The following SEC63 variants were observed in gnomAD, a reference collection of about 807,000 sequenced individuals.
The protein encoded by SEC63 is SEC63 protein translocation regulator.
Under a neutral mutation model 116.2 loss-of-function variants are expected in SEC63, and 56 were observed. That is an observed-to-expected ratio of 0.48 (90% confidence interval 0.39 to 0.60). The LOEUF (loss-of-function observed/expected upper bound fraction) is 0.60. Among genes scored for constraint, SEC63 ranks in the 20% least tolerant of loss-of-function variants. SEC63 has a pLI of 0.00. For synonymous variants in SEC63, 273 were observed against 294.6 expected, an observed-to-expected ratio of 0.93 and a Z score of 0.75; for missense variants, 668 against 900.0, an observed-to-expected ratio of 0.74 and a Z score of 3.30.
At chr6:107,922,899 G>A (rs930783964) in intron 3 of SEC63, among the ~76,000 whole-genome samples, 6 of 151,914 alleles carry the variant, frequency 3.9e-5, no homozygotes, top group Non-Finnish European at 8.8e-5. Flanking sequence ...AGTGCCATGG[G>A]GGAGAAAATA....
At chr6:107,934,280 G>A (rs548316516) in intron 1 of SEC63, among the ~76,000 whole-genome samples, 14 of 151,018 alleles carry the variant, frequency 9.3e-5, no homozygotes, top group Admixed American at 2.0e-4. Context: ...AGTGAGGAGC[G>A]TCTCTGCCCG....
chr6:107,893,921 T>C (rs769539201), intron 14 of SEC63, 24 bp from the exon 15 acceptor site: 5 of 1,611,568 alleles, frequency 3.1e-6, no homozygotes, highest in Non-Finnish European at 4.2e-6. Flanking sequence ...AGAAGAGAAA[T>C]ACAAAATCTG....
chr6:107,890,699 GCTGGTA>G (rs1562317729), intron 16 of SEC63, among the ~76,000 whole-genome samples: 1 of 152,144 alleles, frequency 6.6e-6, no homozygotes, highest in Non-Finnish European at 1.5e-5. Flanking sequence ...TTTTGCAGTG[GCTGGTA>G]CTGGTTGTTC....
chr6:107,936,506 G>A (rs1400108977), intron 1 of SEC63, among the ~76,000 whole-genome samples: 4 of 150,834 alleles, frequency 2.7e-5, no homozygotes, highest in African/African-American at 9.8e-5. Context: ...TATTTTCATG[G>A]GCACTAAAAA....
chr6:107,889,042 TGA>T (rs2114418552), intron 16 of SEC63, among the ~76,000 whole-genome samples: 1 of 152,348 alleles, frequency 6.6e-6, no homozygotes, highest in Non-Finnish European at 1.5e-5. Flanking sequence ...GATATTCGCC[TGA>T]AATTTTCTTT....
At chr6:107,940,564 G>A (rs1047252944) in intron 1 of SEC63, among the ~76,000 whole-genome samples, 1 of 151,930 alleles carries the variant, frequency 6.6e-6, no homozygotes, top group African/African-American at 2.4e-5. Context: ...AAAATCTTCA[G>A]AAATTCACAA....
At chr6:107,889,448 CT>C (rs1395002228) in intron 16 of SEC63, among the ~76,000 whole-genome samples, 1 of 152,024 alleles carries the variant, frequency 6.6e-6, no homozygotes, top group South Asian at 2.1e-4. Flanking sequence ...TCCCCTTTAT[CT>C]TTTTTTATTG....
intron 4 of SEC63, among the ~76,000 whole-genome samples, chr6:107,921,515 G>T (rs1461987455): frequency 6.6e-6 from 1 of 151,174 alleles, no homozygotes; most frequent in Non-Finnish European, 1.5e-5. Context: ...GCAGTGGCAT[G>T]GTCACGGCTC....
At chr6:107,883,267 C>A (rs1786454143) in intron 16 of SEC63, 121 bp from the exon 17 acceptor site, 3 of 1,225,302 alleles carry the variant, frequency 2.4e-6, no homozygotes, top group Admixed American at 2.3e-5. Context: ...TTTCACTATT[C>A]ATATACAATT....
At chr6:107,898,161 G>A (rs1410963100) in intron 13 of SEC63, among the ~76,000 whole-genome samples, 2 of 151,900 alleles carry the variant, frequency 1.3e-5, no homozygotes, top group African/African-American at 4.8e-5. Context: ...CTAGTCGGGA[G>A]GCTGAGGTGG....
intron 14 of SEC63, 85 bp downstream of exon 14, chr6:107,897,564 G>C: frequency 1.0e-6 from 1 of 981,738 alleles, no homozygotes; most frequent in East Asian, 2.4e-5. Context: ...TATTACAACA[G>C]TTTTGACTTT....
At chr6:107,889,071 C>T (rs1359870177) in intron 16 of SEC63, among the ~76,000 whole-genome samples, 6 of 152,090 alleles carry the variant, frequency 3.9e-5, no homozygotes, top group Non-Finnish European at 8.8e-5. Flanking sequence ...TGTGTCTCTG[C>T]CAGGTTTTGG....
intron 8 of SEC63, among the ~76,000 whole-genome samples, chr6:107,907,482 T>A (rs891238980): frequency 5.9e-5 from 9 of 152,164 alleles, no homozygotes; most frequent in African/African-American, 2.2e-4. Context: ...CTCGGGAGGC[T>A]GAGGCAGGAG....
intron 8 of SEC63, among the ~76,000 whole-genome samples, 160 bp downstream of exon 8, chr6:107,908,767 A>C (rs1787210630): frequency 6.6e-6 from 1 of 152,208 alleles, no homozygotes; most frequent in Non-Finnish European, 1.5e-5. Context: ...AAATGTGACA[A>C]AGGGTGCTGG....
chr6:107,920,388 T>C (rs1189912037), intron 4 of SEC63, among the ~76,000 whole-genome samples: 1 of 124,512 alleles, frequency 8.0e-6, no homozygotes, highest in African/African-American at 3.2e-5. Context: ...ATAGCGCCAC[T>C]GCAGTCCAGC....
intron 1 of SEC63, among the ~76,000 whole-genome samples, chr6:107,941,476 T>C (rs539020709): frequency 6.6e-6 from 1 of 150,562 alleles, no homozygotes; most frequent in African/African-American, 2.4e-5. Context: ...ATCCACAGCC[T>C]TGGGAAACAG....
At chr6:107,916,371 C>T (rs903296539) in intron 4 of SEC63, among the ~76,000 whole-genome samples, 1 of 152,200 alleles carries the variant, frequency 6.6e-6, no homozygotes, top group Non-Finnish European at 1.5e-5. Flanking sequence ...ATTACAGAAT[C>T]ATATAGTAAT....
chr6:107,906,919 T>C, intron 8 of SEC63, 142 bp from the exon 9 acceptor site: 2 of 682,174 alleles, frequency 2.9e-6, no homozygotes, highest in East Asian at 5.4e-5. Flanking sequence ...CACTGACAAG[T>C]ATTTATTTCT....
At chr6:107,942,525 G>GA (rs539245297) in intron 1 of SEC63, among the ~76,000 whole-genome samples, 37 of 151,654 alleles carry the variant, frequency 2.4e-4, no homozygotes, top group Admixed American at 3.3e-4. Context: ...TGAGGATATA[G>GA]AAAAAAAACA....
Sources: allele counts gnomAD v4.1 joint callset (sites outside exome capture counted in the v4.1 genomes callset), GRCh38; gene constraint gnomAD v4.1.1; transcripts MANE v1.5; gene names NCBI Gene and HGNC (gene_info 2026-07-23, HGNC 2026-07-21).